The following ABLIM1 variants were observed in gnomAD, a reference collection of about 807,000 sequenced individuals.
ABLIM1 encodes the protein actin-binding LIM protein 1.
In ABLIM1, 40 loss-of-function variants were observed where a neutral mutation model predicts 107.0. That is an observed-to-expected ratio of 0.37 (90% CI 0.29 to 0.49). The LOEUF (loss-of-function observed/expected upper bound fraction) is 0.49. Ranked by LOEUF, ABLIM1 falls within the 20% of genes least tolerant of loss-of-function variation. The pLI, the probability that ABLIM1 is intolerant of heterozygous loss-of-function variation, is 0.97. For synonymous variants in ABLIM1, 357 were observed against 357.3 expected (o/e 1.00, Z 0.01); for missense variants, 857 against 1,008.5 (o/e 0.85, Z 2.04).
intron 6 of ABLIM1, among the ~76,000 whole-genome samples, chr10:114,538,197 C>G (rs1479287760): frequency 1.3e-5 from 2 of 152,188 alleles, no homozygotes; most frequent in Admixed American, 1.3e-4. Flanking sequence ...TGTGAAAAAG[C>G]AGTTTTTTAA....
chr10:114,712,825 T>C (rs1168913054), intron 1 of ABLIM1, among the ~76,000 whole-genome samples: 1 of 152,248 alleles, frequency 6.6e-6, no homozygotes, highest in African/African-American at 2.4e-5. Context: ...TTACTTCTTA[T>C]TGATTACAAA....
chr10:114,531,188 C>T (rs571136098), intron 6 of ABLIM1, among the ~76,000 whole-genome samples: 2 of 152,208 alleles, frequency 1.3e-5, no homozygotes, highest in Non-Finnish European at 2.9e-5. Context: ...CTCCTTCATT[C>T]AAACAGGAAG....
intron 6 of ABLIM1, among the ~76,000 whole-genome samples, chr10:114,543,923 G>C (rs1021479163): frequency 6.6e-6 from 1 of 152,164 alleles, no homozygotes; most frequent in Non-Finnish European, 1.5e-5. Flanking sequence ...AATGCAATCA[G>C]CTGCCCACGT....
intron 1 of ABLIM1, among the ~76,000 whole-genome samples, chr10:114,712,331 T>TGAC: frequency 8.8e-6 from 1 of 113,984 alleles, no homozygotes; most frequent in South Asian, 2.9e-4. Flanking sequence ...CCAGCCTGGG[T>TGAC]GACAGAGCGA....
intron 2 of ABLIM1, among the ~76,000 whole-genome samples, chr10:114,581,543 C>T (rs1329130348): frequency 1.3e-5 from 2 of 152,210 alleles, no homozygotes; most frequent in African/African-American, 4.8e-5. Flanking sequence ...TGTGCTACTG[C>T]TCTCATACAG....
intron 16 of ABLIM1, among the ~76,000 whole-genome samples, chr10:114,444,728 GA>G (rs1406610806): frequency 6.6e-6 from 1 of 151,972 alleles, no homozygotes; most frequent in Non-Finnish European, 1.5e-5. Flanking sequence ...TATATGCTTA[GA>G]AAACATCATT....
At chr10:114,564,789 C>CACTGT (rs2070418554) in intron 4 of ABLIM1, among the ~76,000 whole-genome samples, 1 of 152,206 alleles carries the variant, frequency 6.6e-6, no homozygotes. Context: ...GCAGAGCCCA[C>CACTGT]ACTGTCAACC....
At chr10:114,732,911 G>A (rs2082105734) in intron 1 of ABLIM1, among the ~76,000 whole-genome samples, 1 of 152,118 alleles carries the variant, frequency 6.6e-6, no homozygotes, top group South Asian at 2.1e-4. Flanking sequence ...ATTGACTCAT[G>A]CTCCAACTGA....
chr10:114,480,947 G>A (rs2057274019), intron 8 of ABLIM1, among the ~76,000 whole-genome samples: 1 of 152,168 alleles, frequency 6.6e-6, no homozygotes. Context: ...GTAGCCAAAT[G>A]CTTTAAAAAG....
intron 2 of ABLIM1, among the ~76,000 whole-genome samples, chr10:114,591,298 T>C (rs1469534648): frequency 6.6e-6 from 1 of 152,196 alleles, no homozygotes; most frequent in African/African-American, 2.4e-5. Flanking sequence ...TTTGCCATAG[T>C]TTTTATCTAC....
At chr10:114,700,030 C>T (rs1023410354) in intron 1 of ABLIM1, among the ~76,000 whole-genome samples, 1 of 152,102 alleles carries the variant, frequency 6.6e-6, no homozygotes, top group Non-Finnish European at 1.5e-5. Flanking sequence ...AACTCCTGGA[C>T]TCAAGCAATC....
intron 12 of ABLIM1, among the ~76,000 whole-genome samples, chr10:114,457,039 A>G (rs928160604): frequency 7.2e-5 from 11 of 152,222 alleles, no homozygotes; most frequent in Admixed American, 5.9e-4. Context: ...GTAAAGAGAG[A>G]CCCAATAACA....
chr10:114,632,362 A>C (rs1339308637), intron 1 of ABLIM1: 2 of 985,456 alleles, frequency 2.0e-6, no homozygotes, highest in Non-Finnish European at 2.4e-6. Context: ...AGGACCGAGC[A>C]CCAGCTAGAG....
chr10:114,647,987 A>G (rs1257471241), intron 1 of ABLIM1, among the ~76,000 whole-genome samples: 1 of 152,214 alleles, frequency 6.6e-6, no homozygotes, highest in Non-Finnish European at 1.5e-5. Flanking sequence ...ATGTAAATAG[A>G]ATGTACATAT....
intron 4 of ABLIM1, among the ~76,000 whole-genome samples, chr10:114,560,441 G>C (rs567284849): frequency 6.6e-6 from 1 of 152,286 alleles, no homozygotes; most frequent in South Asian, 2.1e-4. Context: ...TGACACTGTA[G>C]CCTCCGTAAC....
intron 1 of ABLIM1, among the ~76,000 whole-genome samples, chr10:114,603,471 C>G (rs1164294885): frequency 1.3e-5 from 2 of 152,090 alleles, no homozygotes; most frequent in Non-Finnish European, 2.9e-5. Context: ...AATTCACCTG[C>G]AATTCCTTAT....
intron 8 of ABLIM1, among the ~76,000 whole-genome samples, chr10:114,474,623 G>A (rs1444948309): frequency 3.3e-5 from 5 of 152,016 alleles, no homozygotes; most frequent in African/African-American, 7.2e-5. Flanking sequence ...CTCGTGATCT[G>A]CCCGCCTCCA....
intron 2 of ABLIM1, among the ~76,000 whole-genome samples, chr10:114,577,021 C>G (rs966457767): frequency 1.3e-5 from 2 of 152,146 alleles, no homozygotes; most frequent in Non-Finnish European, 2.9e-5. Flanking sequence ...TCAGGGGAAC[C>G]CACGTGTGGA....
chr10:114,565,713 T>A (rs1591258697), intron 4 of ABLIM1, among the ~76,000 whole-genome samples: 2 of 148,606 alleles, frequency 1.3e-5, no homozygotes, highest in African/African-American at 4.9e-5. Flanking sequence ...CTGGACTAAA[T>A]AGAAAAGTAA....
Sources: gnomAD v4.1 joint callset for allele counts (sites outside exome capture counted in the v4.1 genomes callset) on GRCh38, gnomAD v4.1.1 for gene constraint, MANE v1.5 for transcripts, NCBI Gene and HGNC (gene_info 2026-07-23, HGNC 2026-07-21) for gene names.